The following POU6F2 variants were observed in gnomAD, a reference collection of about 807,000 sequenced individuals.
The protein encoded by POU6F2 is POU class 6 homeobox 2.
A neutral mutation model predicts 71.3 loss-of-function variants in POU6F2; 31 were observed. The observed-to-expected ratio is 0.43, with a 90% CI of 0.33 to 0.59. The LOEUF is 0.59. Among genes scored for constraint, POU6F2 ranks in the 20% least tolerant of loss-of-function variants. The probability of loss-of-function intolerance (pLI) is 0.04; values close to 1 mark genes in which losing one functional copy is unlikely to be tolerated. For missense variants in POU6F2, 783 were observed against 856.8 expected, an observed-to-expected ratio of 0.91 and a Z score of 1.07; for synonymous variants, 347 against 355.7, an observed-to-expected ratio of 0.98 and a Z score of 0.27.
At chr7:39,015,567 TTATAGATATATCTATGTTTTA>T (rs1324309671) in intron 1 of POU6F2, among the ~76,000 whole-genome samples, 6 of 63,854 alleles carry the variant, frequency 9.4e-5, no homozygotes, top group East Asian at 3.3e-4. Context: ...TAGATCTACA[TTATAGATATATCTATGTTTTA>T]TATAGATATA....
In POU6F2 at chr7:39,207,326, G is replaced by C. The variant is rs1794034088; in HGVS notation, c.370-66G>C. 2.1e-6 allele frequency: 3 copies of C among 1,461,278 alleles called. No homozygotes were observed. The African/African-American group carries it at 4.2e-5, about 20-fold the overall frequency. 90.5% of individuals were successfully genotyped at this position (1,461,278 alleles called of 1,614,324 possible). A position where few individuals can be genotyped will look rare whatever the true frequency, so the allele number is the denominator to read the frequency against. On this transcript the variant is annotated intron_variant, in intron 3 of 9. Transcript: ENST00000518318. ...TCTGACCCTACTTAAGTGGAAAGAA[G>C]ATGTTTTTAAAACCCATGCCTTGGT...
chr7:39,289,528 C>A (rs1304691334), intron 4 of POU6F2, among the ~76,000 whole-genome samples: 2 of 151,458 alleles, frequency 1.3e-5, no homozygotes, highest in Non-Finnish European at 2.9e-5. Context: ...TTTTAGTATT[C>A]TGATTCAATT....
intron 1 of POU6F2, among the ~76,000 whole-genome samples, chr7:39,039,608 A>G (rs999858197): frequency 2.0e-5 from 3 of 151,964 alleles, no homozygotes. Flanking sequence ...AACTCTATCA[A>G]TTACTTAAAT....
chr7:39,206,827 A>T (rs1401751111), intron 3 of POU6F2, among the ~76,000 whole-genome samples: 2 of 152,138 alleles, frequency 1.3e-5, no homozygotes, highest in African/African-American at 4.8e-5. Context: ...TTAAAGGGGG[A>T]TAAATATTTT....
At chr7:39,373,783 G>A (rs182905726) in intron 5 of POU6F2, 1 of 298,908 alleles carries the variant, frequency 3.3e-6, no homozygotes, top group East Asian at 7.6e-5. Flanking sequence ...GAGAGCAAAG[G>A]TATCTGTATC....
intron 6 of POU6F2, among the ~76,000 whole-genome samples, chr7:39,422,823 C>T (rs184574788): frequency 3.9e-5 from 6 of 152,222 alleles, no homozygotes; most frequent in East Asian, 1.9e-4. Context: ...ACCTGACTTA[C>T]GTAGGCATTT....
intron 1 of POU6F2, among the ~76,000 whole-genome samples, chr7:39,065,058 C>T (rs2140911): frequency 0.83 from 125,671 of 151,404 alleles, 52,428 homozygotes; most frequent in East Asian, 1. Flanking sequence ...ACCATAATTT[C>T]AGATGTTTAA....
intron 2 of POU6F2, 84 bp from the exon 3 acceptor site, chr7:39,204,146 CTGTCA>C (rs1411744528): frequency 2.7e-6 from 3 of 1,113,896 alleles, no homozygotes; most frequent in East Asian, 5.1e-5. Context: ...ATAAACCACT[CTGTCA>C]TATCATCTAT....
At chr7:39,327,438 A>G (rs1314084157) in intron 4 of POU6F2, among the ~76,000 whole-genome samples, 1 of 152,066 alleles carries the variant, frequency 6.6e-6, no homozygotes, top group African/African-American at 2.4e-5. Flanking sequence ...AGCTTGACAT[A>G]TGGATTAACA....
intron 4 of POU6F2, among the ~76,000 whole-genome samples, chr7:39,274,473 A>C (rs1784398373): frequency 7.3e-6 from 1 of 136,536 alleles, no homozygotes; most frequent in Admixed American, 7.6e-5. Flanking sequence ...CCAGAGGTAC[A>C]AGGAGGAACT....
Position 39,339,630 on chromosome 7 carries a change from C to T in POU6F2, c.599-12C>T. On this transcript the variant is annotated splice_polypyrimidine_tract_variant and intron_variant, in intron 4 of 9. Transcript: ENST00000518318. ...TGTTATCTCACTCCACATTCGCTTTCTCTCCTTGTAGCTACCTCATCCCTG... is the reference window on the plus strand; with the variant it reads ...TGTTATCTCACTCCACATTCGCTTTTTCTCCTTGTAGCTACCTCATCCCTG... 6.4e-7 allele frequency: 1 copy of T among 1,572,492 alleles called. No homozygotes were observed. The highest frequency in any genetic ancestry group is 8.6e-7 in the Non-Finnish European group (1 of 1,165,478).
At chr7:39,449,562 A>G (rs1331475607) in intron 7 of POU6F2, among the ~76,000 whole-genome samples, 1 of 152,176 alleles carries the variant, frequency 6.6e-6, no homozygotes, top group African/African-American at 2.4e-5. Flanking sequence ...TTAAACATGC[A>G]TTTATAGTAT....
intron 4 of POU6F2, among the ~76,000 whole-genome samples, chr7:39,278,147 G>A (rs938683579): frequency 4.0e-5 from 6 of 151,670 alleles, no homozygotes; most frequent in Non-Finnish European, 7.4e-5. Context: ...GGTGGGGGAC[G>A]TAGATGAGAA....
At chr7:39,198,725 G>T (rs1793833146) in intron 2 of POU6F2, among the ~76,000 whole-genome samples, 1 of 152,180 alleles carries the variant, frequency 6.6e-6, no homozygotes, top group South Asian at 2.1e-4. Context: ...ATAAATACCT[G>T]TGTGACCAGT....
At chr7:38,984,267 G>T (rs2116599590) in intron 1 of POU6F2, 2 of 152,176 alleles carry the variant, frequency 1.3e-5, no homozygotes, top group East Asian at 3.9e-4. Context: ...CAAAAGTATT[G>T]CTCTGACATT....
At chr7:39,144,556 T>C (rs1457030971) in intron 2 of POU6F2, among the ~76,000 whole-genome samples, 1 of 152,222 alleles carries the variant, frequency 6.6e-6, no homozygotes, top group Non-Finnish European at 1.5e-5. Flanking sequence ...GGAAAGTTGC[T>C]GTTTAAAGAA....
intron 1 of POU6F2, among the ~76,000 whole-genome samples, chr7:38,993,189 GT>G (rs1309226743): frequency 1.4e-4 from 22 of 151,908 alleles, no homozygotes; most frequent in Non-Finnish European, 2.8e-4. Flanking sequence ...TTTCAGCTCA[GT>G]TTTCAACATA....
At chr7:39,459,361 C>G (rs750777841) in intron 8 of POU6F2, among the ~76,000 whole-genome samples, 7 of 152,178 alleles carry the variant, frequency 4.6e-5, no homozygotes, top group Non-Finnish European at 7.3e-5. Context: ...AAAATCTGTA[C>G]ATGAAGCTCC....
chr7:39,030,535 TATATATATACACACACATAC>T (rs1789916159), intron 1 of POU6F2, among the ~76,000 whole-genome samples: 1 of 126,072 alleles, frequency 7.9e-6, no homozygotes, highest in African/African-American at 3.0e-5. Context: ...TATATATATA[TATATATATACACACACATAC>T]ATATATTCCA....
Sources: gnomAD v4.1 joint callset for allele counts (sites outside exome capture counted in the v4.1 genomes callset) on GRCh38, gnomAD v4.1.1 for gene constraint, MANE v1.5 for transcripts, NCBI Gene and HGNC (gene_info 2026-07-23, HGNC 2026-07-21) for gene names.